The following SMG6 variants were observed in gnomAD, a reference collection of about 807,000 sequenced individuals.
SMG6 encodes the protein telomerase-binding protein EST1A.
In SMG6, 66 loss-of-function variants were observed where a neutral mutation model predicts 142.2. The ratio of observed to expected loss-of-function variants is 0.46; its 90% CI spans 0.38 to 0.57. SMG6 has a LOEUF of 0.57. SMG6 is among the 20% of genes least tolerant of loss of function. The pLI, the probability that SMG6 is intolerant of heterozygous loss-of-function variation, is 0.00. For missense variants in SMG6, 1,793 were observed against 1,832.0 expected (o/e 0.98, Z 0.39); for synonymous variants, 779 against 702.4 (o/e 1.11, Z -1.72).
intron 10 of SMG6, among the ~76,000 whole-genome samples, chr17:2,189,803 A>C (rs1234441882): frequency 6.6e-6 from 1 of 152,182 alleles, no homozygotes; most frequent in Non-Finnish European, 1.5e-5. Flanking sequence ...GGGTGTAAGA[A>C]GGAGCAGGCT....
chr17:2,142,003 C>T (rs907664692), intron 13 of SMG6, among the ~76,000 whole-genome samples: 2 of 152,082 alleles, frequency 1.3e-5, no homozygotes, highest in Non-Finnish European at 2.9e-5. Flanking sequence ...GAAGAAACTT[C>T]GTTTAGTGAG....
intron 13 of SMG6, among the ~76,000 whole-genome samples, chr17:2,155,536 A>T (rs924018434): frequency 6.6e-6 from 1 of 152,234 alleles, no homozygotes; most frequent in African/African-American, 2.4e-5. Flanking sequence ...GACCATAAGG[A>T]GCAAGTAGGT....
chr17:2,087,962 G>A, intron 13 of SMG6: 1 of 985,856 alleles, frequency 1.0e-6, no homozygotes, highest in Non-Finnish European at 1.2e-6. Context: ...GCACTATGGA[G>A]AATTATGTAA....
chr17:2,286,458 T>C (rs971906660), intron 6 of SMG6, among the ~76,000 whole-genome samples: 1 of 152,044 alleles, frequency 6.6e-6, no homozygotes, highest in African/African-American at 2.4e-5. Flanking sequence ...AAAACCCACA[T>C]ATAAAGTGAC....
At chr17:2,175,882 T>G (rs1326575647) in intron 12 of SMG6, among the ~76,000 whole-genome samples, 2 of 152,228 alleles carry the variant, frequency 1.3e-5, no homozygotes, top group Non-Finnish European at 2.9e-5. Context: ...CTTCTTCTGG[T>G]GTTTCAGTGG....
intron 13 of SMG6, among the ~76,000 whole-genome samples, chr17:2,160,072 T>C (rs922760745): frequency 4.6e-5 from 7 of 152,168 alleles, no homozygotes; most frequent in Admixed American, 3.3e-4. Flanking sequence ...TATACCTTGA[T>C]TGAAGTGGTC....
chr17:2,302,797 C>G (rs2075312687), intron 1 of SMG6, among the ~76,000 whole-genome samples: 1 of 151,496 alleles, frequency 6.6e-6, no homozygotes, highest in Admixed American at 6.6e-5. Context: ...CCTCGGCAGT[C>G]TGTAACTTGG....
chr17:2,273,268 C>A (rs1260134739), intron 8 of SMG6, among the ~76,000 whole-genome samples: 4 of 152,176 alleles, frequency 2.6e-5, no homozygotes, highest in Admixed American at 6.5e-5. Context: ...GTAATCCCAG[C>A]AATTTGGAAG....
intron 13 of SMG6, 77 bp downstream of exon 13, chr17:2,172,581 A>G (rs1428502349): frequency 6.6e-7 from 1 of 1,515,758 alleles, no homozygotes; most frequent in African/African-American, 1.4e-5. Flanking sequence ...TTTGCACAGA[A>G]AACTTCCCAA....
chr17:2,293,844 T>C (rs1488799659), intron 4 of SMG6, among the ~76,000 whole-genome samples: 1 of 152,230 alleles, frequency 6.6e-6, no homozygotes, highest in Non-Finnish European at 1.5e-5. Flanking sequence ...GGCATTACAT[T>C]ACCTTCACCT....
intron 8 of SMG6, among the ~76,000 whole-genome samples, chr17:2,245,514 A>G (rs2073909346): frequency 6.6e-6 from 1 of 152,170 alleles, no homozygotes; most frequent in Non-Finnish European, 1.5e-5. Context: ...CCACTCAAGT[A>G]GCTGGGATTA....
chr17:2,294,442 T>A (rs1321100865), intron 4 of SMG6, among the ~76,000 whole-genome samples: 1 of 152,196 alleles, frequency 6.6e-6, no homozygotes, highest in Non-Finnish European at 1.5e-5. Context: ...CGATTGAGCC[T>A]CTGCTTACCT....
intron 11 of SMG6, among the ~76,000 whole-genome samples, chr17:2,187,776 G>A (rs1460879350): frequency 3.9e-5 from 6 of 152,014 alleles, no homozygotes; most frequent in Non-Finnish European, 1.5e-5. Context: ...GAAGCTGGAG[G>A]CATTCACAAA....
rs1322814738 is a variant in SMG6 at position 2,299,681 on chromosome 17, C to T, written c.1072G>A (p.Ala358Thr). 2 of 1,614,202 alleles carry T rather than the reference C, an allele frequency of 1.2e-6. No homozygotes were observed. Among genetic ancestry groups the T allele is most frequent in the South Asian group, 1.1e-5 (1 of 91,084 alleles). ...ACCATGGGAGACTCTTTGTTCATGG[C>T]TTCTGCATCGAAAGTGACACGAAGA... The part of the protein sequence containing the change: ...GTLRVTFDAE[A>T]MNKESPMVRS... Residue 358 changes from alanine (A) to threonine (T), a missense_variant, in exon 2 of 19, where the codon GCC becomes ACC. By Grantham distance (58) the Ala-to-Thr change is moderately conservative. This residue lies in a region of SMG6 where 1,597 missense variants were observed against 1,584.6 expected (regional missense o/e 1.01). Coordinates refer to ENST00000263073, the MANE Select transcript of SMG6 (RefSeq NM_017575.5). The surrounding 1 kb of genome is among the most constrained non-coding windows in gnomAD (Gnocchi z 4.3).
chr17:2,266,629 G>C (rs772434570), intron 8 of SMG6, among the ~76,000 whole-genome samples: 2 of 152,122 alleles, frequency 1.3e-5, no homozygotes, highest in Non-Finnish European at 2.9e-5. Flanking sequence ...CTGGCACTCT[G>C]TTTCTTCCCC....
At chr17:2,173,167 C>T (rs1243755234) in intron 12 of SMG6, 2 of 371,450 alleles carry the variant, frequency 5.4e-6, no homozygotes, top group African/African-American at 4.1e-5. Context: ...AGACAGTGTG[C>T]CTGAGACGCT....
chr17:2,133,409 A>G (rs2070189208), intron 13 of SMG6, among the ~76,000 whole-genome samples: 1 of 152,208 alleles, frequency 6.6e-6, no homozygotes, highest in African/African-American at 2.4e-5. Flanking sequence ...GTCAGAGACA[A>G]TATGAAACAG....
rs765682589 is a variant in SMG6, at chr17:2,300,677, GGAAA to G, written c.89-17_89-14del. 15 of 1,553,356 alleles carry G rather than the reference GGAAA, an allele frequency of 9.7e-6. No homozygotes were observed. The highest frequency in any genetic ancestry group is 1.3e-5 in the Non-Finnish European group (15 of 1,154,216). On this transcript the variant is annotated splice_polypyrimidine_tract_variant and intron_variant, in intron 1 of 18. Transcript: ENST00000263073. Reference sequence around the variant, plus strand: ...TCCTTCATGTTTTCTGTTATGTCGGGGAAAGAGTTTGGGAGGGAAAGGTAGAAGA... The same window carrying G: ...TCCTTCATGTTTTCTGTTATGTCGGGGAGTTTGGGAGGGAAAGGTAGAAGA...
At chr17:2,153,243 T>C (rs1464326119) in intron 13 of SMG6, among the ~76,000 whole-genome samples, 3 of 152,192 alleles carry the variant, frequency 2.0e-5, no homozygotes, top group African/African-American at 4.8e-5. Context: ...ATTCTTCCAA[T>C]GTGGCCCAGG....
Sources: gnomAD v4.1 joint callset for allele counts (sites outside exome capture counted in the v4.1 genomes callset) on GRCh38, gnomAD v4.1.1 for gene constraint, gnomAD v4.1.1 regional missense constraint, Gnocchi (gnomAD v3.1) non-coding constraint, MANE v1.5 for transcripts, NCBI Gene and HGNC (gene_info 2026-07-23, HGNC 2026-07-21) for gene names.